Variants in PTPRT observed in about 807,000 individuals in gnomAD.
The protein encoded by PTPRT is protein tyrosine phosphatase receptor type T, also known as receptor-type tyrosine-protein phosphatase T.
A neutral mutation model predicts 176.8 loss-of-function variants in PTPRT; 56 were observed. The observed-to-expected ratio is 0.32, with a 90% confidence interval of 0.26 to 0.40. PTPRT has a LOEUF of 0.40. Ranked by LOEUF, PTPRT falls within the 10% of genes least tolerant of loss-of-function variation. PTPRT has a pLI of 1.00. For missense variants in PTPRT, 1,540 were observed against 1,908.2 expected (o/e 0.81, Z 3.60); for synonymous variants, 783 against 739.0 (o/e 1.06, Z -0.96).
intron 8 of PTPRT, among the ~76,000 whole-genome samples, chr20:42,462,864 C>A (rs1282394079): frequency 6.6e-6 from 1 of 152,124 alleles, no homozygotes; most frequent in Non-Finnish European, 1.5e-5. Context: ...CTGTAGCGAG[C>A]CATTTTACAG....
chr20:42,593,996 T>C (rs2073625733), intron 7 of PTPRT, among the ~76,000 whole-genome samples: 1 of 152,078 alleles, frequency 6.6e-6, no homozygotes, highest in Admixed American at 6.5e-5. Context: ...GTCTCTTGGT[T>C]GAGGCCTTGG....
At chr20:42,144,947 G>C (rs994898874) in intron 17 of PTPRT, among the ~76,000 whole-genome samples, 43 of 152,148 alleles carry the variant, frequency 2.8e-4, no homozygotes, top group Non-Finnish European at 5.7e-4. Context: ...TTCTTAACAG[G>C]CCAGTGCTCA....
chr20:42,791,261 C>T lies in PTPRT; in HGVS notation c.420G>A (p.Gly140=), dbSNP rs776134943. The T allele has an allele frequency of 6.2e-7, 1 of 1,614,038 alleles. No individual in the cohort carries two copies. The highest frequency in any genetic ancestry group is 8.5e-7 in the Non-Finnish European group (1 of 1,179,902). Residue 140 remains glycine, a synonymous_variant, in exon 3 of 31, where the codon GGG becomes GGA. Coordinates refer to ENST00000373187, the MANE Select transcript of PTPRT (RefSeq NM_007050.6). ...CCTTCACCCAGCCCTCAGTGACGAC[C>T]CCGGACACATTCCACACAGGGTTCC... The part of the protein sequence containing the change: ...PQGNPVWNVS[G]VVTEGWVKAE...
At chr20:42,712,817 T>C (rs2076165012) in intron 6 of PTPRT, among the ~76,000 whole-genome samples, 1 of 152,146 alleles carries the variant, frequency 6.6e-6, no homozygotes, top group Non-Finnish European at 1.5e-5. Context: ...AGTGAAATAA[T>C]GTTTGCTCAA....
intron 16 of PTPRT, among the ~76,000 whole-genome samples, chr20:42,171,642 C>A (rs1202964567): frequency 6.6e-6 from 1 of 151,932 alleles, no homozygotes. Flanking sequence ...ACTAGCATAA[C>A]AAGAAGAATG....
At chr20:42,070,719 A>G (rs1369731993), downstream of PTPRT, among the ~76,000 whole-genome samples, 1 of 152,202 alleles carries the variant, frequency 6.6e-6, no homozygotes, top group Non-Finnish European at 1.5e-5. Context: ...GAATGGCATA[A>G]AAATGTTAAC....
chr20:42,373,935 C>T (rs1036347944), intron 9 of PTPRT, among the ~76,000 whole-genome samples: 4 of 152,114 alleles, frequency 2.6e-5, no homozygotes, highest in African/African-American at 4.8e-5. Context: ...AGGAACCAGG[C>T]GGAGAACCTG....
chr20:42,894,020 A>T (rs1337431106), intron 1 of PTPRT, among the ~76,000 whole-genome samples: 8 of 147,218 alleles, frequency 5.4e-5, no homozygotes, highest in South Asian at 2.3e-4. Flanking sequence ...ATAATAATAA[A>T]AAATTAAAAA....
intron 8 of PTPRT, among the ~76,000 whole-genome samples, chr20:42,468,847 A>C (rs187054878): frequency 6.6e-6 from 1 of 152,316 alleles, no homozygotes; most frequent in Admixed American, 6.5e-5. Flanking sequence ...TCCCTCTCTA[A>C]CAACCAGGAA....
chr20:43,020,094 G>A (rs1194307538), intron 1 of PTPRT, among the ~76,000 whole-genome samples: 1 of 123,358 alleles, frequency 8.1e-6, no homozygotes, highest in Non-Finnish European at 1.5e-5. Context: ...GAGTGTGTAT[G>A]TGTGTGTGTG....
At chr20:42,530,218 G>T (rs1172640027) in intron 7 of PTPRT, among the ~76,000 whole-genome samples, 1 of 152,212 alleles carries the variant, frequency 6.6e-6, no homozygotes, top group Non-Finnish European at 1.5e-5. Context: ...AAGCCCTGAG[G>T]CATATCTCTG....
intron 1 of PTPRT, among the ~76,000 whole-genome samples, chr20:42,932,663 CT>C (rs145441500): frequency 0.02 from 3,005 of 152,346 alleles, 39 homozygotes; most frequent in Non-Finnish European, 0.025. Context: ...GCCCTGAATC[CT>C]GGCAAACCAC....
chr20:42,927,081 C>G (rs938878443), intron 1 of PTPRT, among the ~76,000 whole-genome samples: 3 of 152,184 alleles, frequency 2.0e-5, no homozygotes, highest in Non-Finnish European at 4.4e-5. Flanking sequence ...ATGTGACTTT[C>G]GATGTCCACC....
At chr20:42,611,778 G>A (rs1036617504) in intron 7 of PTPRT, among the ~76,000 whole-genome samples, 1 of 152,140 alleles carries the variant, frequency 6.6e-6, no homozygotes, top group Non-Finnish European at 1.5e-5. Flanking sequence ...AGACTGCCAT[G>A]AAATAAACCA....
intron 8 of PTPRT, among the ~76,000 whole-genome samples, chr20:42,467,978 T>C (rs1355876365): frequency 6.6e-6 from 1 of 152,202 alleles, no homozygotes; most frequent in Non-Finnish European, 1.5e-5. Context: ...AACATGGTTT[T>C]CATCTTTCAA....
chr20:42,370,401 T>G (rs1284414434), intron 9 of PTPRT, among the ~76,000 whole-genome samples: 1 of 152,180 alleles, frequency 6.6e-6, no homozygotes, highest in Non-Finnish European at 1.5e-5. Context: ...TGCCTGGACA[T>G]GTCCCTGGCA....
chr20:42,349,721 C>T (rs2058248592), intron 11 of PTPRT, among the ~76,000 whole-genome samples: 1 of 152,206 alleles, frequency 6.6e-6, no homozygotes, highest in Admixed American at 6.5e-5. Context: ...GAAAGTTGTT[C>T]CACTCAATGC....
intron 20 of PTPRT, among the ~76,000 whole-genome samples, chr20:42,119,552 T>C (rs1987477504): frequency 6.6e-6 from 1 of 152,178 alleles, no homozygotes. Context: ...GTTATGGGCA[T>C]GCACCTATCG....
At chr20:42,682,336 T>G (rs1474432912) in intron 6 of PTPRT, among the ~76,000 whole-genome samples, 1 of 152,182 alleles carries the variant, frequency 6.6e-6, no homozygotes, top group Non-Finnish European at 1.5e-5. Context: ...ATGCCACTAA[T>G]TACCTGAAAG....
Sources: allele counts gnomAD v4.1 joint callset (sites outside exome capture counted in the v4.1 genomes callset), GRCh38; gene constraint gnomAD v4.1.1; transcripts MANE v1.5; gene names NCBI Gene and HGNC (gene_info 2026-07-23, HGNC 2026-07-21).